Variants in NEDD4 observed in about 807,000 individuals in gnomAD.
The protein encoded by NEDD4 is E3 ubiquitin-protein ligase NEDD4.
NEDD4 carries 99 observed loss-of-function variants against 144.9 expected under a neutral mutation model. That is an observed-to-expected ratio of 0.68 (90% CI 0.58 to 0.81). The LOEUF (loss-of-function observed/expected upper bound fraction) is 0.81. Among genes scored for constraint, NEDD4 ranks in the 30% least tolerant of loss-of-function variants. NEDD4 has a pLI of 0.00. For missense variants in NEDD4, 985 were observed against 1,065.9 expected, an observed-to-expected ratio of 0.92 and a Z score of 1.06; for synonymous variants, 318 against 350.6, an observed-to-expected ratio of 0.91 and a Z score of 1.04.
Position 55,850,767 on chromosome 15 carries a change from G to C in NEDD4, c.1147-25C>G, listed in dbSNP as rs201250020. 79 of 1,593,920 alleles carry C rather than the reference G, an allele frequency of 5.0e-5. 1 individual carries two copies. In the East Asian group the frequency reaches 1.1e-3, roughly 22 times the overall value. On this transcript the variant is annotated intron_variant, in intron 13 of 28. Transcript: ENST00000435532. ...CCTAGCACATTAATGAAATCATATT[G>C]TAATATTTTATAGAGAGAACTCACA...
chr15:55,982,191 A>G (rs2037814694), intron 1 of NEDD4, among the ~76,000 whole-genome samples: 1 of 152,162 alleles, frequency 6.6e-6, no homozygotes. Flanking sequence ...AAATGGTACA[A>G]TCGTGTTGGG....
chr15:55,954,137 TCAA>T (rs2037295680), intron 2 of NEDD4, among the ~76,000 whole-genome samples: 1 of 152,032 alleles, frequency 6.6e-6, no homozygotes, highest in Non-Finnish European at 1.5e-5. Flanking sequence ...GTTAAAGTAA[TCAA>T]CATTTTCCAG....
chr15:55,837,429 G>T (rs868429792), intron 24 of NEDD4, among the ~76,000 whole-genome samples: 1 of 32,504 alleles, frequency 3.1e-5, no homozygotes, highest in East Asian at 1.1e-3. Context: ...CTCACTCCGC[G>T]CTCAAAAAAA....
intron 1 of NEDD4, among the ~76,000 whole-genome samples, chr15:55,978,956 G>C (rs2142351964): frequency 6.7e-6 from 1 of 150,260 alleles, no homozygotes; most frequent in South Asian, 2.1e-4. Context: ...AGAAAACACA[G>C]GGCTGCACGT....
intron 5 of NEDD4, chr15:55,916,999 A>C (rs1350570521): frequency 7.5e-7 from 1 of 1,335,790 alleles, no homozygotes; most frequent in African/African-American, 1.5e-5. Flanking sequence ...GATACCAGAT[A>C]TCATAGAAAG....
chr15:55,942,662 T>C (rs1396323745), intron 4 of NEDD4, among the ~76,000 whole-genome samples: 1 of 152,202 alleles, frequency 6.6e-6, no homozygotes, highest in Non-Finnish European at 1.5e-5. Flanking sequence ...GCCGTTTTCT[T>C]TATAAACTGC....
At chr15:55,839,075 T>C (rs1202157501) in intron 21 of NEDD4, among the ~76,000 whole-genome samples, 3 of 151,582 alleles carry the variant, frequency 2.0e-5, no homozygotes, top group African/African-American at 4.8e-5. Flanking sequence ...GTCCCTTAGG[T>C]TGGAGTGCAG....
chr15:55,905,374 A>G (rs992988227), intron 5 of NEDD4: 4 of 431,028 alleles, frequency 9.3e-6, no homozygotes, highest in Admixed American at 5.5e-5. Flanking sequence ...GGGGTTTCCC[A>G]ACAGTGAAAC....
chr15:55,881,875 T>A (rs777340830), intron 5 of NEDD4, among the ~76,000 whole-genome samples: 1 of 152,132 alleles, frequency 6.6e-6, no homozygotes, highest in Non-Finnish European at 1.5e-5. Flanking sequence ...GGCTGTCTTG[T>A]GCATTGAAGG....
intron 4 of NEDD4, among the ~76,000 whole-genome samples, chr15:55,950,200 T>C (rs1748026660): frequency 6.6e-6 from 1 of 152,128 alleles, no homozygotes; most frequent in Non-Finnish European, 1.5e-5. Context: ...TTCAATACCA[T>C]TTCCTCAAGA....
chr15:55,988,487 T>TAAAAAAAAAA (rs56688563), intron 1 of NEDD4, among the ~76,000 whole-genome samples: 219 of 101,574 alleles, frequency 2.2e-3, no homozygotes, highest in Middle Eastern at 6.9e-3. Flanking sequence ...AAAAAAAAAT[T>TAAAAAAAAAA]AAAAAAAAAA....
intron 5 of NEDD4, among the ~76,000 whole-genome samples, chr15:55,881,129 G>GTTTCT (rs1265217831): frequency 4.7e-5 from 7 of 147,400 alleles, no homozygotes; most frequent in African/African-American, 1.8e-4. Context: ...ATTGCAGTAA[G>GTTTCT]TTTCTTTTCT....
chr15:55,982,531 A>G (rs1208360778), intron 1 of NEDD4, among the ~76,000 whole-genome samples: 3 of 152,226 alleles, frequency 2.0e-5, no homozygotes, highest in Non-Finnish European at 4.4e-5. Context: ...ATGAAGTTCT[A>G]GAACAGACAA....
At chr15:55,879,840 A>G (rs2035121022) in intron 5 of NEDD4, among the ~76,000 whole-genome samples, 1 of 152,238 alleles carries the variant, frequency 6.6e-6, no homozygotes, top group Non-Finnish European at 1.5e-5. Flanking sequence ...AAAAGACAAT[A>G]CACTATAGGA....
chr15:55,902,342 G>T (rs2035938488), intron 5 of NEDD4, among the ~76,000 whole-genome samples: 1 of 152,160 alleles, frequency 6.6e-6, no homozygotes, highest in African/African-American at 2.4e-5. Flanking sequence ...GTGACTTAGA[G>T]ATTTATCTAG....
chr15:55,943,552 T>TGCACCTGCA (rs1454615397), intron 4 of NEDD4, among the ~76,000 whole-genome samples: 4 of 152,296 alleles, frequency 2.6e-5, no homozygotes, highest in South Asian at 4.1e-4. Context: ...GGCTTTCACA[T>TGCACCTGCA]GGTTTTAAGC....
At chr15:55,981,445 T>C (rs1431811055) in intron 1 of NEDD4, among the ~76,000 whole-genome samples, 2 of 152,166 alleles carry the variant, frequency 1.3e-5, no homozygotes, top group African/African-American at 4.8e-5. Context: ...AACCTATGGA[T>C]TGACAGCAGT....
In NEDD4 at chr15:55,829,936, C is replaced by T. The variant is rs762420380; in HGVS notation, c.2664G>A (p.Met888Ile). 6.2e-7 allele frequency: 1 copy of T among 1,613,702 alleles called. No homozygotes were observed. The highest frequency in any genetic ancestry group is 2.2e-5 in the East Asian group (1 of 44,880). Reference sequence around the variant, plus strand: ...CAAAGCCCTGGGTGTTTTCAATTGCCATCTGAAGTTTATCCCATAATTCTT... The same window carrying T: ...CAAAGCCCTGGGTGTTTTCAATTGCTATCTGAAGTTTATCCCATAATTCTT... ...SFEELWDKLQMAIENTQGFDG... is the reference protein window; with the variant it reads ...SFEELWDKLQIAIENTQGFDG... The change falls in exon 29 of 29, where the codon ATG becomes ATA. Residue 888 changes from methionine (M) to isoleucine (I), a missense_variant. Physicochemically the swap from Met to Ile is conservative, Grantham distance 10 (BLOSUM62 1). Transcript: ENST00000435532.
At chr15:55,939,566 G>A (rs2036958215) in intron 4 of NEDD4, among the ~76,000 whole-genome samples, 1 of 151,866 alleles carries the variant, frequency 6.6e-6, no homozygotes, top group Admixed American at 6.6e-5. Context: ...TTTCTCCAAA[G>A]AAAACAAACA....
Sources: gnomAD v4.1 joint callset for allele counts (sites outside exome capture counted in the v4.1 genomes callset) on GRCh38, gnomAD v4.1.1 for gene constraint, MANE v1.5 for transcripts, NCBI Gene and HGNC (gene_info 2026-07-23, HGNC 2026-07-21) for gene names.